Variants in BDP1 observed in about 807,000 individuals in gnomAD.
BDP1 encodes the protein BDP1 general transcription factor IIIB subunit, also known as transcription factor TFIIIB component B'' homolog.
A neutral mutation model predicts 266.6 loss-of-function variants in BDP1; 169 were observed. The observed-to-expected ratio is 0.63, with a 90% CI of 0.56 to 0.72. BDP1 has a LOEUF of 0.72. BDP1 is among the 30% of genes least tolerant of loss of function. The pLI is 0.00. For missense variants in BDP1, 3,015 were observed against 3,053.8 expected, an observed-to-expected ratio of 0.99 and a Z score of 0.30; for synonymous variants, 1,090 against 1,022.4, an observed-to-expected ratio of 1.07 and a Z score of -1.26.
intron 36 of BDP1, among the ~76,000 whole-genome samples, chr5:71,557,375 ATTTT>A (rs55810132): frequency 2.9e-5 from 3 of 103,350 alleles, no homozygotes; most frequent in African/African-American, 8.8e-5. Flanking sequence ...TGCCAAGCTA[ATTTT>A]TTTTTTTTTT....
At chr5:71,552,433 G>C (rs1388428269) in intron 34 of BDP1, among the ~76,000 whole-genome samples, 1 of 152,250 alleles carries the variant, frequency 6.6e-6, no homozygotes, top group East Asian at 1.9e-4. Context: ...CCAGGCAGAG[G>C]CTGCAATCTC....
At chr5:71,479,499 C>T (rs1244201717) in intron 7 of BDP1, among the ~76,000 whole-genome samples, 2 of 151,866 alleles carry the variant, frequency 1.3e-5, no homozygotes, top group African/African-American at 2.4e-5. Context: ...GAATCTGTTT[C>T]TTTTTTTCTT....
intron 36 of BDP1, among the ~76,000 whole-genome samples, chr5:71,559,067 T>C (rs1015045796): frequency 4.0e-5 from 6 of 151,530 alleles, no homozygotes; most frequent in African/African-American, 1.5e-4. Context: ...GGTGAGTGAA[T>C]TGCTTGAACC....
At position 71,491,034 on chromosome 5, in the gene BDP1, G is replaced by C; in HGVS notation, c.1543G>C (p.Glu515Gln). 1 of 1,614,018 alleles carries C rather than the reference G, an allele frequency of 6.2e-7. No individual in the cohort carries two copies. The highest frequency in any genetic ancestry group is 8.5e-7 in the Non-Finnish European group (1 of 1,179,934). Residue 515 changes from glutamate (E) to glutamine (Q), a missense_variant, in exon 11 of 39, where the codon GAG (glutamate) becomes CAG (glutamine). Glu to Gln is a conservative substitution (Grantham distance 29). Transcript: ENST00000358731. ...PELKEGECSK[E>Q]QMLSCTQNID... Reference sequence around the variant, plus strand: ...GCTAAAGGAAGGTGAATGCAGTAAGGAGCAGATGCTTTCCTGCACACAAAA... The same window carrying C: ...GCTAAAGGAAGGTGAATGCAGTAAGCAGCAGATGCTTTCCTGCACACAAAA...
intron 3 of BDP1, among the ~76,000 whole-genome samples, chr5:71,462,759 CAAAAA>C (rs549285777): frequency 1.4e-5 from 2 of 144,388 alleles, no homozygotes; most frequent in Non-Finnish European, 3.0e-5. Context: ...GATCCTGTCT[CAAAAA>C]AAAAAATGTT....
chr5:71,563,697 G>C (rs1267357857), intron 38 of BDP1, among the ~76,000 whole-genome samples: 2 of 152,236 alleles, frequency 1.3e-5, no homozygotes, highest in African/African-American at 4.8e-5. Context: ...CAGATCACCT[G>C]AGGTGAGGAG....
chr5:71,471,931 C>T (rs1762276255), intron 7 of BDP1, among the ~76,000 whole-genome samples: 1 of 152,134 alleles, frequency 6.6e-6, no homozygotes, highest in African/African-American at 2.4e-5. Context: ...GTTATTTCTG[C>T]AAGAGATGAG....
chr5:71,553,761 A>AGT (rs1743020875), intron 35 of BDP1, among the ~76,000 whole-genome samples: 2 of 152,190 alleles, frequency 1.3e-5, no homozygotes, highest in Admixed American at 6.5e-5. Context: ...CACAGCCTTT[A>AGT]GTGCCCCACA....
chr5:71,551,164 G>A (rs1471474229), intron 34 of BDP1, among the ~76,000 whole-genome samples: 1 of 143,098 alleles, frequency 7.0e-6, no homozygotes, highest in African/African-American at 2.7e-5. Context: ...TCGCAGAGGG[G>A]GATTTGGCAG....
At position 71,486,507 on chromosome 5, in the gene BDP1, G is replaced by A. The variant is rs756417651; in HGVS notation, c.1093G>A (p.Asp365Asn). 18 of 1,534,292 alleles carry A rather than the reference G, an allele frequency of 1.2e-5. No individual in the cohort carries two copies. The highest frequency in any genetic ancestry group is 2.9e-5 in the African/African-American group (2 of 69,154). The part of the protein sequence containing the change: ...AFQEKRPFDF[D>N]FFAHLLQKVL... ...AGAGGAAAAGCGCCCTTTTGACTTCGATTTTTTTGCTCATTTGCTTCAGAA... is the reference window on the plus strand; with the variant it reads ...AGAGGAAAAGCGCCCTTTTGACTTCAATTTTTTTGCTCATTTGCTTCAGAA... The change falls in exon 9 of 39, where the codon GAT becomes AAT. Residue 365 changes from aspartate to asparagine, a missense_variant. By Grantham distance (23) the Asp-to-Asn change is conservative. Transcript: ENST00000358731.
At chr5:71,551,509 T>C (rs564401191) in intron 34 of BDP1, among the ~76,000 whole-genome samples, 50 of 152,366 alleles carry the variant, frequency 3.3e-4, no homozygotes, top group Middle Eastern at 3.4e-3. Flanking sequence ...CCATGTCTAC[T>C]TCTTTCTACA....
At chr5:71,460,253 G>T (rs1229815752) in intron 2 of BDP1, among the ~76,000 whole-genome samples, 1 of 152,154 alleles carries the variant, frequency 6.6e-6, no homozygotes, top group Admixed American at 6.5e-5. Context: ...GGTGGTGCAC[G>T]CCTGTAATCC....
intron 25 of BDP1, 42 bp downstream of exon 25, chr5:71,524,365 G>A (rs752035551): frequency 3.3e-6 from 5 of 1,519,992 alleles, no homozygotes; most frequent in Non-Finnish European, 3.5e-6. Flanking sequence ...ATCTTACTTG[G>A]TTTTCACCTC....
chr5:71,491,000 A>G lies in BDP1; in HGVS notation c.1509A>G (p.Ile503Met). The G allele has an allele frequency of 1.9e-6, 3 of 1,607,594 alleles. No individual in the cohort carries two copies. The highest frequency in any genetic ancestry group is 1.7e-5 in the Admixed American group (1 of 58,700). Reference sequence around the variant, plus strand: ...TATTTGTAGATAAATGTCAGGCTATAAGGCCTGAGCTAAAGGAAGGTGAAT... The same window carrying G: ...TATTTGTAGATAAATGTCAGGCTATGAGGCCTGAGCTAAAGGAAGGTGAAT... ...GEKHKNKCQA[I>M]RPELKEGECS... The change falls in exon 11 of 39, where the codon ATA becomes ATG. Residue 503 changes from isoleucine to methionine, a missense_variant. Ile to Met is a conservative substitution (Grantham distance 10). This residue lies in a region of BDP1 where 2,383 missense variants were observed against 2,404.9 expected (regional missense o/e 0.99). Transcript: ENST00000358731.
At position 71,542,281 on chromosome 5, in the gene BDP1, T is replaced by C; in HGVS notation, c.6412+16T>C. Reference sequence around the variant, plus strand: ...ACTCAAAGAGGTAAATTTTATTCTCTTAATATGTTGCAAAATCATTTTGAC... The same window carrying C: ...ACTCAAAGAGGTAAATTTTATTCTCCTAATATGTTGCAAAATCATTTTGAC... On this transcript the variant is annotated intron_variant, in intron 30 of 38. Transcript: ENST00000358731. 1 of 1,578,524 alleles carries C rather than the reference T, an allele frequency of 6.3e-7. No individual in the cohort carries two copies. The highest frequency in any genetic ancestry group is 1.2e-5 in the South Asian group (1 of 84,468).
intron 17 of BDP1, 66 bp downstream of exon 17, chr5:71,511,217 T>C: frequency 6.9e-7 from 1 of 1,448,240 alleles, no homozygotes; most frequent in Non-Finnish European, 9.4e-7. Flanking sequence ...AATAATTCCA[T>C]GATTATTTTG....
In BDP1 at chr5:71,522,441, A is replaced by G. The variant is rs376000308; in HGVS notation, c.5144A>G (p.Glu1715Gly). 1 of 1,613,830 alleles carries G rather than the reference A, an allele frequency of 6.2e-7. No individual in the cohort carries two copies. Among genetic ancestry groups the G allele is most frequent in the Non-Finnish European group, 8.5e-7 (1 of 1,179,996 alleles). Residue 1715 changes from glutamate (E) to glycine (G), a missense_variant, in exon 23 of 39, where the codon GAA becomes GGA. Around this residue, in one of 3 missense-constraint regions of BDP1, gnomAD observed 2,383 missense variants for 2,404.9 expected, o/e 0.99. Transcript: ENST00000358731. ...TTDQSKEGKP[E>G]DHLLQKGASN... Reference sequence around the variant, plus strand: ...GATCAGAGCAAGGAAGGCAAGCCAGAAGATCATTTGCTGCAGAAAGGAGCT... The same window carrying G: ...GATCAGAGCAAGGAAGGCAAGCCAGGAGATCATTTGCTGCAGAAAGGAGCT...
intron 19 of BDP1, among the ~76,000 whole-genome samples, chr5:71,514,065 G>A (rs1365567178): frequency 6.6e-6 from 1 of 151,942 alleles, no homozygotes; most frequent in African/African-American, 2.4e-5. Context: ...GTGAAATGAA[G>A]AGTTAAAAGC....
intron 16 of BDP1, among the ~76,000 whole-genome samples, chr5:71,509,130 C>G (rs951239243): frequency 7.2e-5 from 11 of 152,084 alleles, no homozygotes; most frequent in Non-Finnish European, 1.5e-4. Flanking sequence ...ATACATCAAT[C>G]TAGCTCCAAT....
Sources: allele counts gnomAD v4.1 joint callset (sites outside exome capture counted in the v4.1 genomes callset), GRCh38; gene constraint gnomAD v4.1.1; regional missense constraint gnomAD v4.1.1; transcripts MANE v1.5; gene names NCBI Gene and HGNC (gene_info 2026-07-23, HGNC 2026-07-21).